GPR160: variants seen among roughly 807,000 people sequenced by gnomAD.
GPR160 encodes the protein probable G protein-coupled receptor 160.
GPR160 carries 2 observed loss-of-function variants against 2.6 expected under a neutral mutation model. The ratio of observed to expected loss-of-function variants is 0.77; its 90% CI spans 0.32 to 2.44. The LOEUF (loss-of-function observed/expected upper bound fraction) is 2.44, where lower values mean the gene tolerates loss of function less well. Among genes scored for constraint, GPR160 ranks in the 30% most tolerant of loss-of-function variants. The pLI is 0.11. For missense variants in GPR160, 351 were observed against 383.6 expected (o/e 0.91, Z 0.71); for synonymous variants, 130 against 132.2 (o/e 0.98, Z 0.12).
Position 170,074,392 on chromosome 3 carries a change from CT to C in GPR160, c.-192-5375del, listed in dbSNP as rs540506586. On this transcript the variant is annotated intron_variant, in intron 2 of 3. Transcript: ENST00000355897. ...TAGAGGTTTATTAATTTTATTGGTTCTTTTTTTCCCCTAAAGAAGCAGTTTT... is the reference window on the plus strand; with the variant it reads ...TAGAGGTTTATTAATTTTATTGGTTCTTTTTTCCCCTAAAGAAGCAGTTTT... Among the ~76,000 whole-genome samples the C allele has an allele frequency of 7.3e-5, 11 of 150,558 alleles. No individual in the cohort carries two copies. The South Asian group carries it at 2.3e-3, about 32-fold the overall frequency.
intron 2 of GPR160, among the ~76,000 whole-genome samples, chr3:170,067,221 T>A (rs1237386530): frequency 6.6e-6 from 1 of 152,114 alleles, no homozygotes; most frequent in African/African-American, 2.4e-5. Context: ...CCCAGGCTGG[T>A]CTTGAACTCC....
In GPR160 at chr3:170,084,987, TA is replaced by T; in HGVS notation, c.1017del (p.Ter339TyrfsTer5). 7.3e-7 allele frequency: 1 copy of T among 1,365,306 alleles called. No homozygotes were observed. The highest frequency in any genetic ancestry group is 1.4e-5 in the South Asian group (1 of 70,062). 84.6% of individuals were successfully genotyped at this position (1,365,306 alleles called of 1,614,324 possible). A position where few individuals can be genotyped will look rare whatever the true frequency, so the allele number is the denominator to read the frequency against. On this transcript the variant is annotated frameshift_variant and stop_lost, in exon 4 of 4. Transcript: ENST00000355897. LOFTEE classifies it high-confidence loss of function. ...IEKPISIMIC[*>X] ...AAAGCCTATATCAATAATGATTTGT[TA>T]ATATTATTAATTAAAAGTTACAGCT...
At chr3:170,080,022 G>A (rs140268918) in intron 3 of GPR160, 125 bp downstream of exon 3, 62 of 152,328 alleles carry the variant, frequency 4.1e-4, no homozygotes, top group African/African-American at 1.3e-3. Context: ...GGGCCAGATC[G>A]TAAAGCAAGA....
intron 2 of GPR160, among the ~76,000 whole-genome samples, chr3:170,063,657 C>G (rs1250929859): frequency 6.6e-6 from 1 of 151,814 alleles, no homozygotes; most frequent in African/African-American, 2.4e-5. Flanking sequence ...GGACGTGTCC[C>G]CCACACCGCG....
intron 2 of GPR160, among the ~76,000 whole-genome samples, chr3:170,050,336 C>T (rs986703247): frequency 2.0e-5 from 3 of 152,074 alleles, no homozygotes; most frequent in Admixed American, 6.6e-5. Flanking sequence ...CTCCACCTCC[C>T]AGGTTCAAGT....
chr3:170,085,072 G>A lies in GPR160; in HGVS notation c.*83G>A, dbSNP rs1454230227. On this transcript the variant is annotated 3_prime_UTR_variant, in exon 4 of 4. Coordinates refer to ENST00000355897, the MANE Select transcript of GPR160 (RefSeq NM_014373.3). ...CTCAGGACATATTAAAAAATAAACT[G>A]AACTAAAACAACTTTTGCCCCCTGA... 2.8e-6 allele frequency: 2 copies of A among 705,968 alleles called. No homozygotes were observed. Among genetic ancestry groups the A allele is most frequent in the Non-Finnish European group, 4.3e-6 (2 of 464,448 alleles). 43.7% of individuals were successfully genotyped at this position (705,968 alleles called of 1,614,324 possible).
chr3:170,064,535 T>TTTTTTTTTTTTTC (rs1219393634), intron 2 of GPR160, among the ~76,000 whole-genome samples: 1 of 127,952 alleles, frequency 7.8e-6, no homozygotes, highest in Non-Finnish European at 1.6e-5. Flanking sequence ...TTTTTTTTTT[T>TTTTTTTTTTTTTC]TGAGGCAGAG....
In GPR160 at chr3:170,038,034, C is replaced by A; in HGVS notation, c.-503C>A. The A allele has an allele frequency of 6.6e-6, 1 of 152,668 alleles. No homozygotes were observed. Among genetic ancestry groups the A allele is most frequent in the South Asian group, 1.9e-4 (1 of 5,224 alleles). The allele number at this position is 152,668 out of a possible 1,614,324, so 9.5% of individuals were successfully genotyped here. A position where few individuals can be genotyped will look rare whatever the true frequency, so the allele number is the denominator to read the frequency against. ...GGAGCCGGCTGAGCCACAGCAGGGT[C>A]GCCGCGGGGTCCCGGGGCCGTGCTC... On this transcript the variant is annotated 5_prime_UTR_variant, in exon 1 of 4. Coordinates refer to ENST00000355897, the MANE Select transcript of GPR160 (RefSeq NM_014373.3). This position sits in a 1 kb window ranked among gnomAD's most constrained non-coding sequence, Gnocchi z 5.3.
chr3:170,051,779 C>G (rs1239812424), intron 2 of GPR160, among the ~76,000 whole-genome samples: 2 of 151,978 alleles, frequency 1.3e-5, no homozygotes, highest in Non-Finnish European at 2.9e-5. Flanking sequence ...TTCCCCAGAC[C>G]CATGACTTTT....
At chr3:170,053,256 T>C (rs1445014507) in intron 2 of GPR160, among the ~76,000 whole-genome samples, 2 of 152,208 alleles carry the variant, frequency 1.3e-5, no homozygotes, top group Non-Finnish European at 2.9e-5. Flanking sequence ...ATTAATCTTC[T>C]TATCCATGAA....
At chr3:170,056,610 T>G (rs532052266) in intron 2 of GPR160, among the ~76,000 whole-genome samples, 2 of 152,320 alleles carry the variant, frequency 1.3e-5, no homozygotes, top group African/African-American at 4.8e-5. Context: ...ACCATTCTGT[T>G]TAATCAGTTT....
rs1209934536 is a variant in GPR160 at position 170,085,298 on chromosome 3, C to A, written c.*309C>A. On this transcript the variant is annotated 3_prime_UTR_variant, in exon 4 of 4. Transcript: ENST00000355897. ...CTGATGTTTGTGTTACTCAAAAAAA[C>A]TACTGGATGCAAACTGTTATGTAAA... The A allele has an allele frequency of 5.3e-6, 1 of 187,192 alleles. No homozygotes were observed. 11.6% of individuals were successfully genotyped at this position (187,192 alleles called of 1,614,324 possible). A position where few individuals can be genotyped will look rare whatever the true frequency, so the allele number is the denominator to read the frequency against.
intron 2 of GPR160, among the ~76,000 whole-genome samples, chr3:170,074,817 CT>C (rs1020567368): frequency 1.3e-5 from 2 of 150,684 alleles, no homozygotes; most frequent in Admixed American, 6.6e-5. Flanking sequence ...TTGATTTCTG[CT>C]TTTTTTTTAA....
At chr3:170,065,519 G>A (rs1398048836) in intron 2 of GPR160, among the ~76,000 whole-genome samples, 1 of 152,116 alleles carries the variant, frequency 6.6e-6, no homozygotes, top group Non-Finnish European at 1.5e-5. Context: ...CGCATGTATT[G>A]CTCTCCTAGT....
At chr3:170,083,691 T>A (rs998462220) in intron 3 of GPR160, among the ~76,000 whole-genome samples, 1 of 152,198 alleles carries the variant, frequency 6.6e-6, no homozygotes, top group African/African-American at 2.4e-5. Flanking sequence ...GGTTTAAAAA[T>A]CTCTGAGTTC....
chr3:170,073,310 T>G (rs1366266315), intron 2 of GPR160, among the ~76,000 whole-genome samples: 2 of 152,242 alleles, frequency 1.3e-5, no homozygotes, highest in Non-Finnish European at 2.9e-5. Context: ...TTAGTTTTAT[T>G]TCTACATTTA....
chr3:170,045,131 G>C (rs1055978080), intron 2 of GPR160, among the ~76,000 whole-genome samples: 8 of 152,054 alleles, frequency 5.3e-5, no homozygotes, highest in African/African-American at 1.7e-4. Context: ...TGGCACAAAA[G>C]TGAACCTTGT....
intron 3 of GPR160, among the ~76,000 whole-genome samples, chr3:170,080,155 T>C (rs1199706590): frequency 6.6e-6 from 1 of 152,228 alleles, no homozygotes; most frequent in Non-Finnish European, 1.5e-5. Flanking sequence ...CTGTATTTTG[T>C]GAACATTTTT....
At position 170,058,056 on chromosome 3, in the gene GPR160, A is replaced by C. The variant is rs373522433; in HGVS notation, c.-193+19013A>C. On this transcript the variant is annotated intron_variant, in intron 2 of 3. Transcript: ENST00000355897. ...AGTAAGTATGTTTAGAATTCTTACG[A>C]TGAATGAAGTCTTGCAGTAGATAAA... 3.3e-5 allele frequency: 5 copies of C among 152,256 alleles called. No homozygotes were observed. In the East Asian group the frequency reaches 9.6e-4, roughly 29 times the overall value. The allele number at this position is 152,256 out of a possible 1,614,324, so 9.4% of individuals were successfully genotyped here. A position where few individuals can be genotyped will look rare whatever the true frequency, so the allele number is the denominator to read the frequency against.
Sources: allele counts gnomAD v4.1 joint callset (sites outside exome capture counted in the v4.1 genomes callset), GRCh38; gene constraint gnomAD v4.1.1; non-coding constraint Gnocchi (gnomAD v3.1); transcripts MANE v1.5; gene names NCBI Gene and HGNC (gene_info 2026-07-23, HGNC 2026-07-21).